TLE1: variants seen among roughly 807,000 people sequenced by gnomAD.
TLE1 encodes transducin-like enhancer protein 1.
TLE1 carries 21 observed loss-of-function variants against 89.8 expected under a neutral mutation model. That is an observed-to-expected ratio of 0.23 (90% CI 0.17 to 0.34). The LOEUF (loss-of-function observed/expected upper bound fraction) is 0.34. Among genes scored for constraint, TLE1 ranks in the 10% least tolerant of loss-of-function variants. The pLI is 1.00. For synonymous variants in TLE1, 447 were observed against 407.6 expected (o/e 1.10, Z -1.16); for missense variants, 795 against 1,031.2 (o/e 0.77, Z 3.14).
In TLE1 at chr9:81,670,176, T is replaced by C. The variant is rs369874713; in HGVS notation, c.234+15500A>G. Among the ~76,000 whole-genome samples the C allele has an allele frequency of 8.5e-5, 13 of 152,334 alleles. No individual in the cohort carries two copies. In the East Asian group the frequency reaches 9.6e-4, roughly 11 times the overall value. Reference sequence around the variant, plus strand: ...TCAAATTTACAGTCCTCCTGAGTAATAGACTTGGAAAAGTAGCCACATTCA... The same window carrying C: ...TCAAATTTACAGTCCTCCTGAGTAACAGACTTGGAAAAGTAGCCACATTCA... On this transcript the variant is annotated intron_variant, in intron 4 of 19. Transcript: ENST00000376499.
chr9:81,686,949 G>C (rs1834366488), intron 2 of TLE1, among the ~76,000 whole-genome samples: 1 of 152,116 alleles, frequency 6.6e-6, no homozygotes, highest in African/African-American at 2.4e-5. Context: ...GGCAAACAGC[G>C]ATTTCAACAT....
At chr9:81,686,782 T>A (rs556643684) in intron 2 of TLE1, among the ~76,000 whole-genome samples, 43 of 152,152 alleles carry the variant, frequency 2.8e-4, no homozygotes, top group Non-Finnish European at 5.3e-4. Flanking sequence ...CACTCTCTCA[T>A]CCTACCCAAA....
In TLE1 at chr9:81,675,489, T is replaced by C. The variant is rs529583577; in HGVS notation, c.234+10187A>G. Reference sequence around the variant, plus strand: ...GCACATGCTCAATTCACACCAAACCTAGGCCCCAGCAACATGCTAGTTTTG... The same window carrying C: ...GCACATGCTCAATTCACACCAAACCCAGGCCCCAGCAACATGCTAGTTTTG... On this transcript the variant is annotated intron_variant, in intron 4 of 19. Transcript: ENST00000376499. 3.5e-3 allele frequency among the ~76,000 whole-genome samples: 536 copies of C among 151,612 alleles called. 2 individuals carry two copies. Among genetic ancestry groups the C allele is most frequent in the Non-Finnish European group, 5.5e-3 (371 of 68,008 alleles).
chr9:81,646,410 G>A lies in TLE1; in HGVS notation c.372+5804C>T, dbSNP rs144250308. On this transcript the variant is annotated intron_variant, in intron 6 of 19. Transcript: ENST00000376499. ...GTAGAGAGTACGTCACTAAATACAA[G>A]TTAGTAGAGCTAGAAGATCCATGTT... Among the ~76,000 whole-genome samples the A allele has an allele frequency of 3.3e-5, 5 of 152,318 alleles. No homozygotes were observed. The East Asian group carries it at 9.6e-4, about 29-fold the overall frequency.
intron 4 of TLE1, among the ~76,000 whole-genome samples, chr9:81,681,986 C>T (rs1247945105): frequency 1.3e-5 from 2 of 152,076 alleles, no homozygotes; most frequent in East Asian, 3.9e-4. Context: ...TAGCTCATGC[C>T]TGTAATCCTA....
rs1182493405 is a variant in TLE1 at position 81,583,899 on chromosome 9, A to G, written c.*299T>C. On this transcript the variant is annotated 3_prime_UTR_variant, in exon 20 of 20. Coordinates refer to ENST00000376499, the MANE Select transcript of TLE1 (RefSeq NM_005077.5). ...CACTTGGGCAAGGCGTGATCCCCAG[A>G]TCACCCAGAAAGAAAGAATGGGCTG... 1 of 352,784 alleles carries G rather than the reference A, an allele frequency of 2.8e-6. No homozygotes were observed. Among genetic ancestry groups the G allele is most frequent in the African/African-American group, 2.0e-5 (1 of 49,280 alleles). The allele number at this position is 352,784 out of a possible 1,614,324, so 21.9% of individuals were successfully genotyped here.
At chr9:81,688,145 GTC>G in intron 1 of TLE1, 70 bp downstream of exon 1, 1 of 1,576,508 alleles carries the variant, frequency 6.3e-7, no homozygotes, top group Non-Finnish European at 8.7e-7. Flanking sequence ...GAAGCCACCA[GTC>G]TCCCTACCGC....
chr9:81,660,231 A>G (rs900380680), intron 4 of TLE1, among the ~76,000 whole-genome samples: 2 of 151,940 alleles, frequency 1.3e-5, no homozygotes, highest in African/African-American at 2.4e-5. Context: ...ATATACTTTC[A>G]AAGTCATGCC....
chr9:81,677,236 T>TCC (rs35970494), intron 4 of TLE1, among the ~76,000 whole-genome samples: 84 of 141,026 alleles, frequency 6.0e-4, no homozygotes, highest in African/African-American at 1.4e-3. Context: ...AGACTCGTCT[T>TCC]CCCCCCCCCA....
intron 9 of TLE1, among the ~76,000 whole-genome samples, chr9:81,619,893 T>G (rs1000582643): frequency 6.6e-6 from 1 of 152,188 alleles, no homozygotes; most frequent in African/African-American, 2.4e-5. Flanking sequence ...ATTTTGACCA[T>G]GAACTTAGAT....
chr9:81,683,900 C>T (rs1289502282), intron 4 of TLE1, among the ~76,000 whole-genome samples: 1 of 152,062 alleles, frequency 6.6e-6, no homozygotes, highest in Admixed American at 6.5e-5. Flanking sequence ...ACCCCTTCTC[C>T]CTACATGATA....
chr9:81,644,638 T>C (rs1828591419), intron 6 of TLE1, among the ~76,000 whole-genome samples: 1 of 152,140 alleles, frequency 6.6e-6, no homozygotes, highest in Non-Finnish European at 1.5e-5. Flanking sequence ...AAAAATTTTA[T>C]AGTCGTGATG....
At chr9:81,599,122 C>T (rs971679307) in intron 14 of TLE1, among the ~76,000 whole-genome samples, 1 of 152,228 alleles carries the variant, frequency 6.6e-6, no homozygotes, top group African/African-American at 2.4e-5. Flanking sequence ...TGGGAAAGTA[C>T]TTCAAGAAAA....
At chr9:81,651,116 C>G (rs1242817866) in intron 6 of TLE1, among the ~76,000 whole-genome samples, 1 of 152,192 alleles carries the variant, frequency 6.6e-6, no homozygotes, top group Non-Finnish European at 1.5e-5. Flanking sequence ...TTAATCCGTA[C>G]AGCAGCATGT....
chr9:81,648,538 T>C (rs1264174317), intron 6 of TLE1, among the ~76,000 whole-genome samples: 1 of 152,150 alleles, frequency 6.6e-6, no homozygotes, highest in Non-Finnish European at 1.5e-5. Context: ...GATATGTATC[T>C]CTCTATATTA....
At chr9:81,628,279 T>C (rs528727789) in intron 8 of TLE1, among the ~76,000 whole-genome samples, 17 of 152,176 alleles carry the variant, frequency 1.1e-4, no homozygotes, top group Admixed American at 9.2e-4. Flanking sequence ...TCACCATTTA[T>C]AGATGGGACT....
intron 4 of TLE1, among the ~76,000 whole-genome samples, chr9:81,682,124 G>A (rs1426161680): frequency 6.6e-6 from 1 of 151,922 alleles, no homozygotes; most frequent in Non-Finnish European, 1.5e-5. Context: ...CATGGTGGCG[G>A]ACACCTGTAA....
intron 4 of TLE1, among the ~76,000 whole-genome samples, chr9:81,667,723 C>A (rs372696198): frequency 3.2e-4 from 48 of 150,602 alleles, no homozygotes; most frequent in African/African-American, 1.0e-3. Context: ...CTGCTCCCCC[C>A]CAAGCTGAGT....
intron 6 of TLE1, among the ~76,000 whole-genome samples, chr9:81,646,606 A>G (rs572847358): frequency 5.9e-5 from 9 of 152,308 alleles, no homozygotes; most frequent in African/African-American, 1.9e-4. Context: ...ACACACTACA[A>G]TCCCATAGAT....
Sources: allele counts gnomAD v4.1 joint callset (sites outside exome capture counted in the v4.1 genomes callset), GRCh38; gene constraint gnomAD v4.1.1; transcripts MANE v1.5; gene names NCBI Gene and HGNC (gene_info 2026-07-23, HGNC 2026-07-21).